Variants in RARB observed in about 807,000 individuals in gnomAD.
RARB encodes retinoic acid receptor beta.
RARB carries 17 observed loss-of-function variants against 51.9 expected under a neutral mutation model. The observed-to-expected ratio is 0.33, with a 90% CI of 0.22 to 0.49. The LOEUF (loss-of-function observed/expected upper bound fraction) is 0.49, where lower values mean the gene tolerates loss of function less well. RARB is among the 20% of genes least tolerant of loss of function. The pLI is 0.99. For missense variants in RARB, 369 were observed against 550.8 expected (o/e 0.67, Z 3.30); for synonymous variants, 215 against 195.4 (o/e 1.10, Z -0.84).
intron 2 of RARB, among the ~76,000 whole-genome samples, chr3:24,892,359 A>G (rs528229075): frequency 6.6e-6 from 1 of 152,258 alleles, no homozygotes; most frequent in South Asian, 2.1e-4. Flanking sequence ...AGCTGAATCT[A>G]TCACTAAAGA....
chr3:25,432,401 G>C (rs1167521303), intron 1 of RARB, among the ~76,000 whole-genome samples: 2 of 152,148 alleles, frequency 1.3e-5, no homozygotes, highest in African/African-American at 4.8e-5. Context: ...TGACTTGGAA[G>C]CTTTAGTTAG....
chr3:25,341,620 G>A (rs1705230201), intron 5 of RARB, among the ~76,000 whole-genome samples: 1 of 152,090 alleles, frequency 6.6e-6, no homozygotes, highest in Non-Finnish European at 1.5e-5. Flanking sequence ...ATTTAAATCA[G>A]TAGTTCTCAA....
At chr3:25,586,865 TGC>T (rs888484867) in intron 5 of RARB, among the ~76,000 whole-genome samples, 2 of 152,202 alleles carry the variant, frequency 1.3e-5, no homozygotes, top group African/African-American at 4.8e-5. Flanking sequence ...GCTTCAGCGT[TGC>T]GCCTGGGCGT....
intron 5 of RARB, among the ~76,000 whole-genome samples, chr3:25,360,104 G>A (rs146736650): frequency 0.035 from 5,343 of 152,230 alleles, 127 homozygotes; most frequent in Middle Eastern, 0.065. Flanking sequence ...TATTGTGTGG[G>A]AGTCTAAGTC....
At chr3:25,290,474 A>G (rs1703760580) in intron 5 of RARB, among the ~76,000 whole-genome samples, 1 of 152,118 alleles carries the variant, frequency 6.6e-6, no homozygotes, top group Non-Finnish European at 1.5e-5. Context: ...CACCCAGTCT[A>G]TGGTGTTTTG....
chr3:25,562,502 T>C (rs1434155576), intron 3 of RARB, among the ~76,000 whole-genome samples: 1 of 152,180 alleles, frequency 6.6e-6, no homozygotes, highest in Non-Finnish European at 1.5e-5. Flanking sequence ...GAATAGCCCA[T>C]TGCTGCCAGA....
chr3:25,310,030 G>C (rs1372484320), intron 5 of RARB, among the ~76,000 whole-genome samples: 1 of 152,184 alleles, frequency 6.6e-6, no homozygotes, highest in East Asian at 1.9e-4. Context: ...TATTGTCCTT[G>C]CTGGCTCCTT....
intron 5 of RARB, among the ~76,000 whole-genome samples, chr3:25,254,596 G>A (rs1051980124): frequency 6.6e-6 from 1 of 151,548 alleles, no homozygotes; most frequent in Non-Finnish European, 1.5e-5. Flanking sequence ...ACTTACAGCT[G>A]GGGGGTCGGG....
intron 5 of RARB, among the ~76,000 whole-genome samples, chr3:25,370,385 G>T (rs1426097399): frequency 6.6e-6 from 1 of 152,164 alleles, no homozygotes; most frequent in Non-Finnish European, 1.5e-5. Context: ...GGTACCATAA[G>T]GGTAGCAAGG....
At chr3:24,906,843 T>G (rs1200824643) in intron 2 of RARB, among the ~76,000 whole-genome samples, 14 of 28,934 alleles carry the variant, frequency 4.8e-4, no homozygotes, top group Non-Finnish European at 7.3e-4. Flanking sequence ...AGATTCCGTC[T>G]CAAAAAAAAA....
intron 3 of RARB, among the ~76,000 whole-genome samples, chr3:25,527,601 C>G (rs1479248803): frequency 6.6e-6 from 1 of 152,146 alleles, no homozygotes; most frequent in Non-Finnish European, 1.5e-5. Flanking sequence ...CATGCTTGTA[C>G]ATGAAGCATT....
At position 24,904,515 on chromosome 3, in the gene RARB, G is replaced by C. The variant is rs142381277; in HGVS notation, c.-380+45763G>C. On this transcript the variant is annotated intron_variant, in intron 2 of 11. Transcript: ENST00000383772. ...ATCATTAAAAAGTCAGGAAACAATG[G>C]ATGCTGGAGAGGATGTGGAGAAATA... Among the ~76,000 whole-genome samples, 443 of 152,288 alleles carry C rather than the reference G, an allele frequency of 2.9e-3. 3 individuals carry two copies. The highest frequency in any genetic ancestry group is 1.0e-2 in the African/African-American group (414 of 41,564).
chr3:25,200,911 A>C (rs1401989930), intron 5 of RARB, among the ~76,000 whole-genome samples: 3 of 152,120 alleles, frequency 2.0e-5, no homozygotes, highest in Non-Finnish European at 4.4e-5. Flanking sequence ...CTTAGGATTG[A>C]CTTGGCGATG....
At chr3:25,468,284 G>T (rs976773502) in intron 2 of RARB, among the ~76,000 whole-genome samples, 1 of 151,676 alleles carries the variant, frequency 6.6e-6, no homozygotes, top group Non-Finnish European at 1.5e-5. Context: ...GGAGTAAGAG[G>T]TCTCCAGTGT....
At chr3:24,878,714 G>C (rs1559380304) in intron 2 of RARB, among the ~76,000 whole-genome samples, 1 of 152,054 alleles carries the variant, frequency 6.6e-6, no homozygotes, top group African/African-American at 2.4e-5. Context: ...TTGGAGTCGG[G>C]GGTGAAGTCT....
chr3:25,049,049 G>GGC (rs1206573399), intron 2 of RARB, among the ~76,000 whole-genome samples: 1 of 152,154 alleles, frequency 6.6e-6, no homozygotes, highest in Non-Finnish European at 1.5e-5. Context: ...ACCGCGCCCA[G>GGC]CTCCAAGACC....
At chr3:25,173,245 G>A (rs1422183960) in intron 4 of RARB, among the ~76,000 whole-genome samples, 1 of 152,236 alleles carries the variant, frequency 6.6e-6, no homozygotes, top group Non-Finnish European at 1.5e-5. Context: ...GCATGGGGCA[G>A]TTTAGACTTC....
chr3:25,469,392 C>A (rs1695587905), intron 2 of RARB, among the ~76,000 whole-genome samples: 2 of 152,218 alleles, frequency 1.3e-5, no homozygotes. Context: ...TAGCTTTCCT[C>A]ACTCTGATAG....
intron 5 of RARB, among the ~76,000 whole-genome samples, chr3:25,186,484 T>A (rs1700977102): frequency 6.6e-6 from 1 of 152,136 alleles, no homozygotes; most frequent in African/African-American, 2.4e-5. Flanking sequence ...AATTTAGGTT[T>A]AAGAATGTTT....
Sources: gnomAD v4.1 joint callset for allele counts (sites outside exome capture counted in the v4.1 genomes callset) on GRCh38, gnomAD v4.1.1 for gene constraint, MANE v1.5 for transcripts, NCBI Gene and HGNC (gene_info 2026-07-23, HGNC 2026-07-21) for gene names.